The following CADPS variants were observed in gnomAD, a reference collection of about 807,000 sequenced individuals.
CADPS encodes the protein calcium dependent secretion activator, also known as calcium-dependent secretion activator 1.
Under a neutral mutation model 167.3 loss-of-function variants are expected in CADPS, and 57 were observed. That is an observed-to-expected ratio of 0.34 (90% confidence interval 0.28 to 0.42). CADPS has a LOEUF of 0.42. CADPS is among the 20% of genes least tolerant of loss of function. The pLI is 1.00. For synonymous variants in CADPS, 676 were observed against 635.3 expected (o/e 1.06, Z -0.96); for missense variants, 1,414 against 1,738.1 (o/e 0.81, Z 3.32).
chr3:62,727,190 T>C (rs1376832856), intron 3 of CADPS, among the ~76,000 whole-genome samples: 1 of 151,736 alleles, frequency 6.6e-6, no homozygotes, highest in Non-Finnish European at 1.5e-5. Flanking sequence ...ATAGGAGTAT[T>C]TCAGAACAAC....
intron 1 of CADPS, among the ~76,000 whole-genome samples, chr3:62,770,570 C>A (rs2088362319): frequency 6.6e-6 from 1 of 152,062 alleles, no homozygotes; most frequent in African/African-American, 2.4e-5. Flanking sequence ...GGATTACAGG[C>A]AAGCACCAGC....
At chr3:62,832,779 G>A (rs971758413) in intron 1 of CADPS, among the ~76,000 whole-genome samples, 9 of 152,236 alleles carry the variant, frequency 5.9e-5, no homozygotes, top group African/African-American at 1.7e-4. Flanking sequence ...GTTGCCTCAC[G>A]TGATGGATGA....
chr3:62,853,981 A>AATAAATAT (rs1421463548), intron 1 of CADPS, among the ~76,000 whole-genome samples: 59 of 152,218 alleles, frequency 3.9e-4, no homozygotes, highest in Non-Finnish European at 7.1e-4. Context: ...TAAATAAATA[A>AATAAATAT]TACATGACAA....
chr3:62,752,064 T>C (rs138712059), intron 3 of CADPS, among the ~76,000 whole-genome samples: 2 of 152,294 alleles, frequency 1.3e-5, no homozygotes, highest in East Asian at 3.9e-4. Context: ...CACTTGACTC[T>C]CTCTGTAATT....
chr3:62,497,925 T>C (rs1402578277), intron 18 of CADPS, among the ~76,000 whole-genome samples: 2 of 152,188 alleles, frequency 1.3e-5, no homozygotes, highest in Non-Finnish European at 2.9e-5. Flanking sequence ...TTGTTAAGTA[T>C]ATCAATTGCT....
intron 6 of CADPS, among the ~76,000 whole-genome samples, chr3:62,616,883 A>G (rs1425197344): frequency 6.6e-6 from 1 of 152,204 alleles, no homozygotes; most frequent in South Asian, 2.1e-4. Context: ...TAACTTAGAC[A>G]TGTTCTTTCT....
At chr3:62,551,864 A>G (rs924770068) in intron 10 of CADPS, among the ~76,000 whole-genome samples, 2 of 151,994 alleles carry the variant, frequency 1.3e-5, no homozygotes, top group African/African-American at 4.8e-5. Context: ...CCTAAACATC[A>G]CATTCCTGTT....
At chr3:62,558,499 C>T (rs1243676938) in intron 9 of CADPS, among the ~76,000 whole-genome samples, 1 of 152,234 alleles carries the variant, frequency 6.6e-6, no homozygotes, top group Admixed American at 6.5e-5. Context: ...GAAGGAGTGC[C>T]ACATCCCTCA....
intron 3 of CADPS, among the ~76,000 whole-genome samples, chr3:62,670,281 C>T (rs1014621468): frequency 3.5e-4 from 53 of 152,196 alleles, no homozygotes; most frequent in African/African-American, 1.2e-3. Flanking sequence ...GCCATCCATC[C>T]GAGTCTTCAC....
At chr3:62,668,010 CT>C (rs2074796220) in intron 3 of CADPS, among the ~76,000 whole-genome samples, 1 of 152,096 alleles carries the variant, frequency 6.6e-6, no homozygotes, top group South Asian at 2.1e-4. Context: ...CCAGCTACCC[CT>C]GGGCATGCCT....
In CADPS at chr3:62,474,153, A is replaced by ATTGTTTTTTTTTTTTTTTT; in HGVS notation, c.3477+19_3477+20insAAAAAAAAAAAAAAAACAA. ...AATGAAGAGGGAAAAAAAAATCTGT[A>ATTGTTTTTTTTTTTTTTTT]TTTTTTTTTTTTTTTTTACCTCTTG... On this transcript the variant is annotated intron_variant, in intron 24 of 29. Coordinates refer to ENST00000383710, the MANE Select transcript of CADPS (RefSeq NM_003716.4). The ATTGTTTTTTTTTTTTTTTT allele has an allele frequency of 2.7e-6, 2 of 735,996 alleles. No homozygotes were observed. The highest frequency in any genetic ancestry group is 1.8e-6 in the Non-Finnish European group (1 of 549,888). The allele number at this position is 735,996 out of a possible 1,614,324, so 45.6% of individuals were successfully genotyped here. A position where few individuals can be genotyped will look rare whatever the true frequency, so the allele number is the denominator to read the frequency against.
At chr3:62,536,673 T>C in intron 11 of CADPS, 92 bp from the exon 12 acceptor site, 1 of 1,286,636 alleles carries the variant, frequency 7.8e-7, no homozygotes, top group Middle Eastern at 1.9e-4. Context: ...TCACTAGACA[T>C]TATGAACGTT....
chr3:62,635,356 T>C (rs2149796270), intron 6 of CADPS, among the ~76,000 whole-genome samples: 1 of 152,274 alleles, frequency 6.6e-6, no homozygotes, highest in Non-Finnish European at 1.5e-5. Context: ...ACTGTACTAC[T>C]GCATGTATAA....
Position 62,551,033 on chromosome 3 carries a change from G to A in CADPS, c.1754-918C>T, listed in dbSNP as rs767711802. On this transcript the variant is annotated intron_variant, in intron 10 of 29. Coordinates refer to ENST00000383710, the MANE Select transcript of CADPS (RefSeq NM_003716.4). ...CTTGCCCTTCTTCTCTTCCTTAGAA[G>A]CACCCTCTCTCATGGTGATGCCAAC... is the stretch of plus-strand genomic sequence containing the variant. 1.6e-4 allele frequency: 67 copies of A among 423,120 alleles called. 1 individual carries two copies. Among genetic ancestry groups the A allele is most frequent in the South Asian group, 8.9e-4 (51 of 57,514 alleles). 26.2% of individuals were successfully genotyped at this position (423,120 alleles called of 1,614,324 possible). A position where few individuals can be genotyped will look rare whatever the true frequency, so the allele number is the denominator to read the frequency against.
intron 1 of CADPS, among the ~76,000 whole-genome samples, chr3:62,775,367 T>C (rs960451745): frequency 2.0e-5 from 3 of 152,140 alleles, no homozygotes; most frequent in Admixed American, 2.0e-4. Context: ...AGTGGTTTTA[T>C]TTTTTAAAAA....
chr3:62,712,321 G>A (rs2151821749), intron 3 of CADPS, among the ~76,000 whole-genome samples: 1 of 152,142 alleles, frequency 6.6e-6, no homozygotes, highest in South Asian at 2.1e-4. Context: ...CCCCCAGCAA[G>A]GTGTGAGGGT....
intron 1 of CADPS, among the ~76,000 whole-genome samples, chr3:62,799,221 A>G (rs1326502609): frequency 1.3e-5 from 2 of 152,130 alleles, no homozygotes; most frequent in African/African-American, 4.8e-5. Flanking sequence ...TGCATTTCTT[A>G]AACAAAAGGG....
chr3:62,842,311 G>C (rs1427483000), intron 1 of CADPS, among the ~76,000 whole-genome samples: 2 of 152,216 alleles, frequency 1.3e-5, no homozygotes, highest in East Asian at 1.9e-4. Context: ...GGGAAGTTAA[G>C]TAACTCATCC....
At chr3:62,588,152 C>G (rs2085071006) in intron 7 of CADPS, among the ~76,000 whole-genome samples, 1 of 152,196 alleles carries the variant, frequency 6.6e-6, no homozygotes, top group African/African-American at 2.4e-5. Context: ...GCTGCTTTAC[C>G]CTCAGCCTTT....
Sources: allele counts gnomAD v4.1 joint callset (sites outside exome capture counted in the v4.1 genomes callset), GRCh38; gene constraint gnomAD v4.1.1; transcripts MANE v1.5; gene names NCBI Gene and HGNC (gene_info 2026-07-23, HGNC 2026-07-21).